The following NR2C2 variants were observed in gnomAD, a reference collection of about 807,000 sequenced individuals.
NR2C2 encodes nuclear receptor subfamily 2 group C member 2, also known as Nuclear hormone receptor TR4.
A neutral mutation model predicts 62.9 loss-of-function variants in NR2C2; 6 were observed. The ratio of observed to expected loss-of-function variants is 0.10; its 90% CI spans 0.05 to 0.19. The LOEUF (loss-of-function observed/expected upper bound fraction) is 0.19. NR2C2 is among the 10% of genes least tolerant of loss of function. The probability of loss-of-function intolerance (pLI) is 1.00; values close to 1 mark genes in which losing one functional copy is unlikely to be tolerated. For synonymous variants in NR2C2, 272 were observed against 273.8 expected (o/e 0.99, Z 0.07); for missense variants, 479 against 762.7 (o/e 0.63, Z 4.38).
intron 1 of NR2C2, among the ~76,000 whole-genome samples, chr3:14,975,314 C>G (rs1295660533): frequency 6.6e-6 from 1 of 152,164 alleles, no homozygotes; most frequent in Non-Finnish European, 1.5e-5. Context: ...AGTATTCAGT[C>G]TTCTATCAAT....
chr3:15,030,585 C>G, intron 9 of NR2C2, 133 bp downstream of exon 9: 1 of 870,680 alleles, frequency 1.1e-6, no homozygotes, highest in African/African-American at 1.8e-5. Flanking sequence ...CTTAGCACTT[C>G]GGGAGGCCAA....
chr3:14,997,268 T>C (rs2040860270), intron 1 of NR2C2, among the ~76,000 whole-genome samples: 1 of 152,224 alleles, frequency 6.6e-6, no homozygotes, highest in African/African-American at 2.4e-5. Context: ...GCCTAATGTG[T>C]AGTAGGCTAT....
At position 15,000,573 on chromosome 3, in the gene NR2C2, G is replaced by A. The variant is rs558097563; in HGVS notation, c.-39-3303G>A. 9.2e-5 allele frequency among the ~76,000 whole-genome samples: 14 copies of A among 152,224 alleles called. No individual in the cohort carries two copies. The South Asian group carries it at 1.2e-3, about 14-fold the overall frequency. On this transcript the variant is annotated intron_variant, in intron 1 of 13. Transcript: ENST00000425241. The stretch of plus-strand genomic sequence containing the variant: ...TGGATTCCACACAGTTTTAATTACC[G>A]TAGCTTTGTAAATAAGTTTTGAAAT...
chr3:14,985,126 G>C (rs1207242139), intron 1 of NR2C2, among the ~76,000 whole-genome samples: 5 of 151,982 alleles, frequency 3.3e-5, no homozygotes, highest in South Asian at 4.1e-4. Flanking sequence ...TATTAAAATT[G>C]AGTTATTTCT....
At chr3:14,960,089 C>G (rs2039649747) in intron 1 of NR2C2, among the ~76,000 whole-genome samples, 1 of 152,094 alleles carries the variant, frequency 6.6e-6, no homozygotes, top group South Asian at 2.1e-4. Flanking sequence ...GAGGGGAAAA[C>G]TGGAACATTT....
intron 1 of NR2C2, among the ~76,000 whole-genome samples, chr3:14,976,955 A>G (rs1206953139): frequency 6.6e-6 from 1 of 152,068 alleles, no homozygotes; most frequent in African/African-American, 2.4e-5. Flanking sequence ...GTCCTGTAGT[A>G]TATATATTTT....
At position 15,047,718 on chromosome 3, in the gene NR2C2, C is replaced by T. The variant is rs1016752930; in HGVS notation, c.*4710C>T. 4 of 152,222 alleles carry T rather than the reference C, an allele frequency of 2.6e-5. No homozygotes were observed. Among genetic ancestry groups the T allele is most frequent in the Non-Finnish European group, 4.4e-5 (3 of 68,040 alleles). 9.4% of individuals were successfully genotyped at this position (152,222 alleles called of 1,614,324 possible). A position where few individuals can be genotyped will look rare whatever the true frequency, so the allele number is the denominator to read the frequency against. On this transcript the variant is annotated 3_prime_UTR_variant, in exon 14 of 14. Coordinates refer to ENST00000425241, the MANE Select transcript of NR2C2 (RefSeq NM_001291694.2). The stretch of plus-strand genomic sequence containing the variant: ...TCGCCAGTTAAAAATAAACAACCTA[C>T]CAAGTATTATTCTTTAAAACTAAGC...
chr3:14,949,023 G>C (rs1427524140), intron 1 of NR2C2, among the ~76,000 whole-genome samples: 1 of 152,170 alleles, frequency 6.6e-6, no homozygotes, highest in African/African-American at 2.4e-5. Context: ...ACCAGGAGAG[G>C]CAAGCGTTAA....
intron 1 of NR2C2, chr3:14,948,751 G>C (rs963275474): frequency 2.0e-5 from 3 of 152,280 alleles, no homozygotes; most frequent in Non-Finnish European, 2.9e-5. Flanking sequence ...TCGAGTCCAC[G>C]ATGCGCTCTC....
intron 4 of NR2C2, among the ~76,000 whole-genome samples, chr3:15,018,872 G>C (rs1398400591): frequency 6.6e-6 from 1 of 151,832 alleles, no homozygotes; most frequent in African/African-American, 2.4e-5. Context: ...AAAATTAGCT[G>C]GGTGTGGTAG....
chr3:15,040,868 G>A (rs977594324), intron 13 of NR2C2, among the ~76,000 whole-genome samples: 1 of 152,176 alleles, frequency 6.6e-6, no homozygotes, highest in Non-Finnish European at 1.5e-5. Flanking sequence ...GTCCTCCTAG[G>A]AGGCCACAGG....
chr3:14,988,191 C>T (rs911571696), intron 1 of NR2C2, among the ~76,000 whole-genome samples: 2 of 152,260 alleles, frequency 1.3e-5, no homozygotes, highest in African/African-American at 4.8e-5. Context: ...GAGCCAGTCT[C>T]GTGAAGCTAT....
At chr3:14,995,860 T>A (rs1251142715) in intron 1 of NR2C2, among the ~76,000 whole-genome samples, 1 of 152,236 alleles carries the variant, frequency 6.6e-6, no homozygotes, top group African/African-American at 2.4e-5. Flanking sequence ...GCATCTTTTT[T>A]ATTGTAGCAT....
At chr3:15,009,178 T>C (rs145146144) in intron 2 of NR2C2, among the ~76,000 whole-genome samples, 1,672 of 152,286 alleles carry the variant, frequency 0.011, 33 homozygotes, top group African/African-American at 0.037. Flanking sequence ...GCCAAGATCG[T>C]GCCATTGCAC....
At chr3:15,036,657 AT>A (rs1158902798) in intron 11 of NR2C2, among the ~76,000 whole-genome samples, 1 of 152,128 alleles carries the variant, frequency 6.6e-6, no homozygotes, top group Non-Finnish European at 1.5e-5. Context: ...CACCCAGATA[AT>A]TTTTATATTT....
At chr3:15,018,576 T>C (rs532212614) in intron 4 of NR2C2, among the ~76,000 whole-genome samples, 16 of 152,126 alleles carry the variant, frequency 1.1e-4, no homozygotes, top group Non-Finnish European at 1.8e-4. Context: ...AGGATGTCTA[T>C]AATCAGGCTG....
chr3:14,965,062 G>C lies in NR2C2; in HGVS notation c.-40+17156G>C, dbSNP rs536011670. Among the ~76,000 whole-genome samples the C allele has an allele frequency of 7.2e-5, 11 of 152,184 alleles. No homozygotes were observed. The East Asian group carries it at 1.4e-3, about 19-fold the overall frequency. ...TCGTTGGCATGTGGTGGGGGAAGCC[G>C]GAATACCTGCAGAGAACCCATGCAG... On this transcript the variant is annotated intron_variant, in intron 1 of 13. Coordinates refer to ENST00000425241, the MANE Select transcript of NR2C2 (RefSeq NM_001291694.2).
chr3:15,031,821 T>G (rs188050014), intron 9 of NR2C2, among the ~76,000 whole-genome samples: 1 of 151,960 alleles, frequency 6.6e-6, no homozygotes, highest in African/African-American at 2.4e-5. Context: ...CTCCACCTCC[T>G]GGGTTCAAGC....
At chr3:14,948,359 T>C (rs1363338965) in intron 1 of NR2C2, 1 of 152,244 alleles carries the variant, frequency 6.6e-6, no homozygotes, top group East Asian at 1.9e-4. Flanking sequence ...CAACCGCCGT[T>C]TTTTCTGAAG....
Sources: gnomAD v4.1 joint callset for allele counts (sites outside exome capture counted in the v4.1 genomes callset) on GRCh38, gnomAD v4.1.1 for gene constraint, MANE v1.5 for transcripts, NCBI Gene and HGNC (gene_info 2026-07-23, HGNC 2026-07-21) for gene names.